The following LGI2 variants were observed in gnomAD, a reference collection of about 807,000 sequenced individuals.
LGI2 encodes leucine rich repeat LGI family member 2.
A neutral mutation model predicts 52.0 loss-of-function variants in LGI2; 30 were observed. The observed-to-expected ratio is 0.58, with a 90% confidence interval of 0.43 to 0.78. LGI2 has a LOEUF of 0.78. Ranked by LOEUF, LGI2 falls within the 30% of genes least tolerant of loss-of-function variation. The pLI, the probability that LGI2 is intolerant of heterozygous loss-of-function variation, is 0.00. For missense variants in LGI2, 573 were observed against 692.5 expected (o/e 0.83, Z 1.94); for synonymous variants, 270 against 271.8 (o/e 0.99, Z 0.06).
chr4:24,995,488 C>G (rs1025845975), downstream of LGI2, among the ~76,000 whole-genome samples: 1 of 152,206 alleles, frequency 6.6e-6, no homozygotes, highest in Admixed American at 6.5e-5. Context: ...GACAGATCCA[C>G]CTCCAAGTTG....
At chr4:24,993,790 C>T in the LGI2 span, among the ~76,000 whole-genome samples, 2 of 152,134 alleles carry the variant, frequency 1.3e-5, no homozygotes, top group South Asian at 2.1e-4. Flanking sequence ...AACCTACCAT[C>T]GGAGGGTTTT....
At position 25,017,916 on chromosome 4, in the gene LGI2, C is replaced by T. The variant is rs1442664153; in HGVS notation, c.655+73G>A. 5 of 1,316,702 alleles carry T rather than the reference C, an allele frequency of 3.8e-6. No homozygotes were observed. In the South Asian group the frequency reaches 9.2e-5, roughly 24 times the overall value. 81.6% of individuals were successfully genotyped at this position (1,316,702 alleles called of 1,614,324 possible). A position where few individuals can be genotyped will look rare whatever the true frequency, so the allele number is the denominator to read the frequency against. On this transcript the variant is annotated intron_variant, in intron 6 of 7. Transcript: ENST00000382114. ...TTCTATATTCACTTTTCCCCAGTCTCTGTTGACAGTGTAAAAGAAAGACAA... is the reference window on the plus strand; with the variant it reads ...TTCTATATTCACTTTTCCCCAGTCTTTGTTGACAGTGTAAAAGAAAGACAA...
intron 4 of LGI2, among the ~76,000 whole-genome samples, chr4:25,019,586 C>T (rs1188503947): frequency 6.6e-6 from 1 of 152,192 alleles, no homozygotes; most frequent in Non-Finnish European, 1.5e-5. Flanking sequence ...GACCCCATCT[C>T]ATCGGTTTCC....
chr4:25,003,622 T>A lies in LGI2; in HGVS notation c.1467A>T (p.Ile489=), dbSNP rs939418346. The A allele has an allele frequency of 4.3e-6, 7 of 1,614,108 alleles. No individual in the cohort carries two copies. In the African/African-American group the frequency reaches 9.3e-5, roughly 22 times the overall value. The change falls in exon 8 of 8, where the codon ATA becomes ATT. Residue 489 remains isoleucine (I), a synonymous_variant. Coordinates refer to ENST00000382114, the MANE Select transcript of LGI2 (RefSeq NM_018176.4). The part of the protein sequence containing the change: ...ALGSDYTFSQ[I]YQWDKEKQLF... ...GCTGCTTCTCTTTATCCCACTGGTA[T>A]ATCTGAGAGAATGTATAGTCACTCC...
At chr4:25,028,259 A>T (rs963420713) in intron 2 of LGI2, among the ~76,000 whole-genome samples, 4 of 152,168 alleles carry the variant, frequency 2.6e-5, no homozygotes, top group African/African-American at 9.7e-5. Context: ...CATTTACTAG[A>T]TCTGGGTGTT....
chr4:25,029,230 A>C (rs774964871), intron 1 of LGI2, among the ~76,000 whole-genome samples: 27 of 152,218 alleles, frequency 1.8e-4, no homozygotes, highest in Non-Finnish European at 3.1e-4. Flanking sequence ...TGGCATGCAG[A>C]TCACTTAAGC....
chr4:25,019,114 T>TTGTGCCCA (rs1264324517), intron 5 of LGI2, 53 bp downstream of exon 5: 3 of 1,101,500 alleles, frequency 2.7e-6, no homozygotes, highest in Non-Finnish European at 4.2e-6. Context: ...TTGAAAGACA[T>TTGTGCCCA]GATTAACTGG....
In LGI2 at chr4:25,010,559, A is replaced by G. The variant is rs1725546523; in HGVS notation, c.820+1776T>C. On this transcript the variant is annotated intron_variant, in intron 7 of 7. Transcript: ENST00000382114. ...GATGAGAGAACCAAGCTTCAAAGGCACACATTCTTCCTAGACCACGGCAGA... is the reference window on the plus strand; with the variant it reads ...GATGAGAGAACCAAGCTTCAAAGGCGCACATTCTTCCTAGACCACGGCAGA... Among the ~76,000 whole-genome samples, 7 of 152,352 alleles carry G rather than the reference A, an allele frequency of 4.6e-5. No individual in the cohort carries two copies. In the South Asian group the frequency reaches 1.4e-3, roughly 32 times the overall value.
At chr4:24,997,383 G>A (rs114966686), downstream of LGI2, among the ~76,000 whole-genome samples, 272 of 152,286 alleles carry the variant, frequency 1.8e-3, 2 homozygotes, top group African/African-American at 6.4e-3. Context: ...GAGATATTAG[G>A]ATTAGTCTCT....
At chr4:25,009,841 G>A (rs78499816) in intron 7 of LGI2, among the ~76,000 whole-genome samples, 3 of 151,878 alleles carry the variant, frequency 2.0e-5, no homozygotes, top group Non-Finnish European at 4.4e-5. Context: ...TCATCATACT[G>A]GCCAGGTTGG....
the LGI2 span, among the ~76,000 whole-genome samples, chr4:24,993,648 C>T: frequency 6.6e-6 from 1 of 152,166 alleles, no homozygotes; most frequent in African/African-American, 2.4e-5. Flanking sequence ...CTTTAATTTT[C>T]TCACAGCTCA....
rs1725305293 is a variant in LGI2 at position 25,003,446 on chromosome 4, C to T, written c.*5G>A. ...ACATTTCTCTTAGTTTCACCCACCA[C>T]ACCTTCACAAACTTAAGTCAACAAT... On this transcript the variant is annotated 3_prime_UTR_variant, in exon 8 of 8. Coordinates refer to ENST00000382114, the MANE Select transcript of LGI2 (RefSeq NM_018176.4). The T allele has an allele frequency of 1.3e-6, 2 of 1,560,210 alleles. No homozygotes were observed. The highest frequency in any genetic ancestry group is 1.7e-6 in the Non-Finnish European group (2 of 1,155,006).
At position 25,003,836 on chromosome 4, in the gene LGI2, T is replaced by C; in HGVS notation, c.1253A>G (p.Glu418Gly). ...GAAGCTCTTCACAGCCAGTACGTCC[T>C]CCATGTTGGGGATGTCACCATGGGG... is the stretch of plus-strand genomic sequence containing the variant. ...FVPHGDIPNM[E>G]DVLAVKSFRM... Residue 418 changes from glutamate (E) to glycine (G), a missense_variant, in exon 8 of 8, where the codon GAG becomes GGG. Physicochemically the swap from Glu to Gly is moderately conservative, Grantham distance 98. Transcript: ENST00000382114. The C allele has an allele frequency of 6.2e-7, 1 of 1,614,166 alleles. No homozygotes were observed. The highest frequency in any genetic ancestry group is 8.5e-7 in the Non-Finnish European group (1 of 1,180,030).
intron 7 of LGI2, among the ~76,000 whole-genome samples, chr4:25,005,922 G>A (rs1204126961): frequency 6.6e-6 from 1 of 152,218 alleles, no homozygotes; most frequent in Non-Finnish European, 1.5e-5. Flanking sequence ...AAATGAGACT[G>A]AAGATGCTGC....
intron 6 of LGI2, among the ~76,000 whole-genome samples, chr4:25,012,994 C>T (rs1234844400): frequency 6.6e-6 from 1 of 152,158 alleles, no homozygotes; most frequent in Non-Finnish European, 1.5e-5. Context: ...CTTACCTGAC[C>T]CTTTATCTCC....
downstream of LGI2, among the ~76,000 whole-genome samples, chr4:24,997,624 G>A (rs1725117102): frequency 6.6e-6 from 1 of 152,178 alleles, no homozygotes; most frequent in Admixed American, 6.5e-5. Context: ...GGTCCAGGTG[G>A]ATGGTTGCTT....
At chr4:25,016,171 C>G (rs1040320256) in intron 6 of LGI2, among the ~76,000 whole-genome samples, 1 of 152,012 alleles carries the variant, frequency 6.6e-6, no homozygotes, top group African/African-American at 2.4e-5. Flanking sequence ...TATAACTATC[C>G]TCAGGGCCCT....
chr4:24,995,609 G>A (rs1212705300), downstream of LGI2, among the ~76,000 whole-genome samples: 1 of 152,144 alleles, frequency 6.6e-6, no homozygotes, highest in Admixed American at 6.5e-5. Context: ...CTCCCTCCAA[G>A]TGAGCAGTCC....
rs1330306982 is a variant in LGI2 at position 25,004,681 on chromosome 4, C to T, written c.821-413G>A. Among the ~76,000 whole-genome samples, 2 of 152,148 alleles carry T rather than the reference C, an allele frequency of 1.3e-5. No individual in the cohort carries two copies. Among genetic ancestry groups the T allele is most frequent in the African/African-American group, 2.4e-5 (1 of 41,440 alleles). Reference sequence around the variant, plus strand: ...CTGCCCTTTCACCACATAGACACAGCAAAGAGGTGGCCAGCTATGCAGTGG... The same window carrying T: ...CTGCCCTTTCACCACATAGACACAGTAAAGAGGTGGCCAGCTATGCAGTGG... On this transcript the variant is annotated intron_variant, in intron 7 of 7. Transcript: ENST00000382114. The surrounding 1 kb of genome is among the most constrained non-coding windows in gnomAD (Gnocchi z 4.6).
Sources: allele counts gnomAD v4.1 joint callset (sites outside exome capture counted in the v4.1 genomes callset), GRCh38; gene constraint gnomAD v4.1.1; non-coding constraint Gnocchi (gnomAD v3.1); transcripts MANE v1.5; gene names NCBI Gene and HGNC (gene_info 2026-07-23, HGNC 2026-07-21).